The following WDR26 variants were observed in gnomAD, a reference collection of about 807,000 sequenced individuals.
WDR26 encodes the protein WD repeat-containing protein 26.
In WDR26, 5 loss-of-function variants were observed where a neutral mutation model predicts 84.1. That is an observed-to-expected ratio of 0.06 (90% CI 0.03 to 0.13). WDR26 has a LOEUF of 0.13. WDR26 is among the 10% of genes least tolerant of loss of function. WDR26 has a pLI of 1.00. For missense variants in WDR26, 642 were observed against 974.9 expected (o/e 0.66, Z 4.55); for synonymous variants, 415 against 389.6 (o/e 1.07, Z -0.77).
At chr1:224,402,584 A>G (rs1673448812) in intron 8 of WDR26, among the ~76,000 whole-genome samples, 1 of 152,230 alleles carries the variant, frequency 6.6e-6, no homozygotes, top group African/African-American at 2.4e-5. Context: ...GTTATGTTAG[A>G]ACACAGTTTA....
chr1:224,389,672 C>T lies in WDR26; in HGVS notation c.*163G>A. The T allele has an allele frequency of 2.8e-6, 2 of 707,400 alleles. No homozygotes were observed. Among genetic ancestry groups the T allele is most frequent in the Non-Finnish European group, 4.9e-6 (2 of 408,900 alleles). The allele number at this position is 707,400 out of a possible 1,614,324, so 43.8% of individuals were successfully genotyped here. ...TTCATCTCAACTGGTTACTATGAAG[C>T]AAGGTGTAAATGTTTGGCCCCAATC... On this transcript the variant is annotated 3_prime_UTR_variant, in exon 14 of 14. Coordinates refer to ENST00000414423, the MANE Select transcript of WDR26 (RefSeq NM_001379403.1).
chr1:224,425,327 G>A (rs1022558244), intron 3 of WDR26, among the ~76,000 whole-genome samples: 20 of 152,206 alleles, frequency 1.3e-4, no homozygotes, highest in Admixed American at 3.3e-4. Context: ...GGATGTCTAC[G>A]TTAGATGGTT....
At chr1:224,411,326 A>G (rs1242097328) in intron 7 of WDR26, 101 bp downstream of exon 7, 2 of 1,269,592 alleles carry the variant, frequency 1.6e-6, no homozygotes, top group Admixed American at 3.1e-5. Context: ...CTCTTAGAAA[A>G]GAATACTATT....
intron 3 of WDR26, 97 bp from the exon 4 acceptor site, chr1:224,424,751 G>A: frequency 6.8e-7 from 1 of 1,476,362 alleles, no homozygotes; most frequent in Non-Finnish European, 9.3e-7. Context: ...ATTCTACTAT[G>A]CCCTTTGAAA....
chr1:224,404,491 T>C lies in WDR26; in HGVS notation c.1538A>G (p.Asp513Gly), dbSNP rs756007505. ...TGGGCCACAAGCAACAAGATAGTTG[T>C]CATCTGGACTCCATGCAATATAAGA... The change falls in exon 8 of 14, where the codon GAC becomes GGC. Residue 513 changes from aspartate (D) to glycine (G), a missense_variant. This residue lies in a region of WDR26 where 351 missense variants were observed against 672.8 expected (regional missense o/e 0.52). Transcript: ENST00000414423. 4.3e-6 allele frequency: 7 copies of C among 1,614,128 alleles called. No homozygotes were observed. Among genetic ancestry groups the C allele is most frequent in the South Asian group, 3.3e-5 (3 of 91,080 alleles).
Position 224,434,392 on chromosome 1 carries a change from C to G in WDR26, c.14G>C (p.Gly5Ala). ...GGAAGCGGAGGCCAGAGTTTCCTCGCCGAGAGAGGCCGTGGTGGGAAGCCG... is the reference window on the plus strand; with the variant it reads ...GGAAGCGGAGGCCAGAGTTTCCTCGGCGAGAGAGGCCGTGGTGGGAAGCCG... The change falls in exon 1 of 14, where the codon GGC (glycine) becomes GCC (alanine). Residue 5 changes from glycine (G) to alanine (A), a missense_variant. Physicochemically the swap from Gly to Ala is moderately conservative, Grantham distance 60. This residue lies in a region of WDR26 where 291 missense variants were observed against 302.1 expected (regional missense o/e 0.96). Transcript: ENST00000414423. The G allele has an allele frequency of 8.8e-7, 1 of 1,137,912 alleles. No individual in the cohort carries two copies. Among genetic ancestry groups the G allele is most frequent in the Non-Finnish European group, 1.1e-6 (1 of 929,808 alleles). 70.5% of individuals were successfully genotyped at this position (1,137,912 alleles called of 1,614,324 possible).
intron 1 of WDR26, 52 bp from the exon 2 acceptor site, chr1:224,431,833 T>G (rs1674400476): frequency 7.1e-7 from 1 of 1,409,906 alleles, no homozygotes; most frequent in Non-Finnish European, 9.6e-7. Flanking sequence ...AGGGTTTTAA[T>G]CCTTCAAATA....
intron 6 of WDR26, among the ~76,000 whole-genome samples, chr1:224,415,312 T>C (rs1037539266): frequency 1.3e-5 from 2 of 152,042 alleles, no homozygotes; most frequent in African/African-American, 4.8e-5. Flanking sequence ...TTTAATGTAC[T>C]TGAGAACCCA....
chr1:224,407,014 C>G (rs1001478817), intron 7 of WDR26, among the ~76,000 whole-genome samples: 8 of 145,144 alleles, frequency 5.5e-5, no homozygotes, highest in Non-Finnish European at 1.2e-4. Context: ...CCCAGCTGCT[C>G]GGGAGGCTGA....
intron 3 of WDR26, among the ~76,000 whole-genome samples, chr1:224,428,388 G>A (rs1241351999): frequency 1.3e-5 from 2 of 151,968 alleles, no homozygotes; most frequent in Non-Finnish European, 1.5e-5. Flanking sequence ...CAGAGAAAAG[G>A]GGAAATAAAT....
intron 6 of WDR26, chr1:224,413,300 CAAT>C: frequency 8.1e-7 from 1 of 1,241,636 alleles, no homozygotes; most frequent in Admixed American, 2.6e-5. Context: ...TTTTCCCAAT[CAAT>C]AATTTAGAAT....
intron 6 of WDR26, among the ~76,000 whole-genome samples, chr1:224,416,934 T>C (rs533775631): frequency 2.8e-4 from 43 of 152,336 alleles, no homozygotes; most frequent in African/African-American, 1.0e-3. Context: ...TCAATGAACA[T>C]TATTAAAGAG....
chr1:224,421,831 T>C (rs1674073319), intron 4 of WDR26, among the ~76,000 whole-genome samples: 2 of 152,160 alleles, frequency 1.3e-5, no homozygotes, highest in Admixed American at 6.5e-5. Flanking sequence ...ACCAATGACT[T>C]TGGAATCAGT....
At chr1:224,425,723 C>T (rs1295529510) in intron 3 of WDR26, among the ~76,000 whole-genome samples, 3 of 151,962 alleles carry the variant, frequency 2.0e-5, no homozygotes, top group Non-Finnish European at 4.4e-5. Context: ...CTTGAGCAAG[C>T]CAATTAATGT....
chr1:224,421,666 G>A (rs1674067813), intron 4 of WDR26, among the ~76,000 whole-genome samples: 1 of 152,172 alleles, frequency 6.6e-6, no homozygotes, highest in Non-Finnish European at 1.5e-5. Context: ...GTGGTGGCTT[G>A]TGCCTGTAAA....
chr1:224,412,171 T>A (rs7536537), intron 6 of WDR26, among the ~76,000 whole-genome samples: 1 of 152,152 alleles, frequency 6.6e-6, no homozygotes, highest in African/African-American at 2.4e-5. Context: ...TTAGAATTCT[T>A]GTAAGAATTA....
At chr1:224,422,977 G>A (rs1674109073) in intron 4 of WDR26, among the ~76,000 whole-genome samples, 1 of 152,212 alleles carries the variant, frequency 6.6e-6, no homozygotes, top group South Asian at 2.1e-4. Context: ...CAGGTCTGTA[G>A]AGGTTAAATT....
At chr1:224,391,105 C>T (rs1399665699) in intron 13 of WDR26, among the ~76,000 whole-genome samples, 1 of 151,666 alleles carries the variant, frequency 6.6e-6, no homozygotes, top group Admixed American at 6.6e-5. Context: ...AATATCATGC[C>T]TGTAATCCCA....
At chr1:224,424,082 G>A (rs907630671) in intron 4 of WDR26, among the ~76,000 whole-genome samples, 1 of 152,128 alleles carries the variant, frequency 6.6e-6, no homozygotes, top group Non-Finnish European at 1.5e-5. Context: ...ATGTTGATGT[G>A]AGGATTAAAT....
Sources: gnomAD v4.1 joint callset for allele counts (sites outside exome capture counted in the v4.1 genomes callset) on GRCh38, gnomAD v4.1.1 for gene constraint, gnomAD v4.1.1 regional missense constraint, MANE v1.5 for transcripts, NCBI Gene and HGNC (gene_info 2026-07-23, HGNC 2026-07-21) for gene names.